LYAR: variants seen among roughly 807,000 people sequenced by gnomAD.
LYAR encodes the protein Ly1 antibody reactive.
Under a neutral mutation model 45.2 loss-of-function variants are expected in LYAR, and 37 were observed. The observed-to-expected ratio is 0.82, with a 90% CI of 0.63 to 1.08. The LOEUF (loss-of-function observed/expected upper bound fraction) is 1.08, where lower values mean the gene tolerates loss of function less well. Among genes scored for constraint, LYAR ranks in the 50% least tolerant of loss-of-function variants. The probability of loss-of-function intolerance (pLI) is 0.00; values close to 1 mark genes in which losing one functional copy is unlikely to be tolerated. For missense variants in LYAR, 493 were observed against 451.0 expected (o/e 1.09, Z -0.84); for synonymous variants, 176 against 155.1 (o/e 1.14, Z -1.00).
At chr4:4,289,019 C>A (rs76176748) in intron 1 of LYAR, among the ~76,000 whole-genome samples, 1 of 152,192 alleles carries the variant, frequency 6.6e-6, no homozygotes, top group Non-Finnish European at 1.5e-5. Flanking sequence ...CCACGGGTAG[C>A]ATTCTGAGAA....
chr4:4,285,459 G>A (rs1719568913), intron 2 of LYAR, among the ~76,000 whole-genome samples: 1 of 152,172 alleles, frequency 6.6e-6, no homozygotes, highest in African/African-American at 2.4e-5. Flanking sequence ...GGCAACAAGA[G>A]CAGCTATCCT....
chr4:4,279,762 A>G lies in LYAR; in HGVS notation c.238-13T>C, dbSNP rs1478803736. The G allele has an allele frequency of 1.3e-5, 19 of 1,496,216 alleles. No homozygotes were observed. Among genetic ancestry groups the G allele is most frequent in the Non-Finnish European group, 1.6e-5 (17 of 1,085,792 alleles). The allele number at this position is 1,496,216 out of a possible 1,614,324, so 92.7% of individuals were successfully genotyped here. On this transcript the variant is annotated splice_polypyrimidine_tract_variant and intron_variant, in intron 4 of 9. Transcript: ENST00000343470. ...ATTCACTAATTTTCTACAAAAAGGG[A>G]AGAAAAAAGAAAAACTATTAATAAA...
chr4:4,282,525 G>C (rs1209521751), intron 3 of LYAR, among the ~76,000 whole-genome samples: 1 of 152,070 alleles, frequency 6.6e-6, no homozygotes, highest in Non-Finnish European at 1.5e-5. Context: ...GAGGTTAGCA[G>C]TTTCCAAAAA....
Position 4,273,786 on chromosome 4 carries a change from A to T in LYAR, c.833-117T>A, listed in dbSNP as rs1473470100. ...CCACGTATCATCTCATTTCTTCTCC[A>T]AGCTGCCCAGCCCCGGTTTATAAAA... On this transcript the variant is annotated intron_variant, in intron 7 of 9. Transcript: ENST00000343470. 3 of 617,902 alleles carry T rather than the reference A, an allele frequency of 4.9e-6. No individual in the cohort carries two copies. The African/African-American group carries it at 5.6e-5, about 11-fold the overall frequency. The allele number at this position is 617,902 out of a possible 1,614,324, so 38.3% of individuals were successfully genotyped here. A position where few individuals can be genotyped will look rare whatever the true frequency, so the allele number is the denominator to read the frequency against.
intron 8 of LYAR, among the ~76,000 whole-genome samples, chr4:4,270,693 T>G (rs1385423375): frequency 6.6e-6 from 1 of 152,086 alleles, no homozygotes; most frequent in Non-Finnish European, 1.5e-5. Flanking sequence ...ACAACATTAG[T>G]CATTAGGGCC....
chr4:4,267,868 A>G lies in LYAR; in HGVS notation c.*21T>C, dbSNP rs1044965307. 5 of 1,595,372 alleles carry G rather than the reference A, an allele frequency of 3.1e-6. No homozygotes were observed. In the Middle Eastern group the frequency reaches 5.3e-4, roughly 168 times the overall value. ...AGGAAGAAGTCAGCAGAATGGATTC[A>G]ATTTTTAAATACACAAATGTTCATT... On this transcript the variant is annotated 3_prime_UTR_variant, in exon 10 of 10. Transcript: ENST00000343470.
rs1223162217 is a variant in LYAR, at chr4:4,281,677, C to T, written c.237+106G>A. The stretch of plus-strand genomic sequence containing the variant: ...CTGTCTATCCTAGGACATGAGGTTT[C>T]CAGAGCTTGTCTGCAGGGATGACAC... On this transcript the variant is annotated intron_variant, in intron 4 of 9. Transcript: ENST00000343470. 4 of 822,266 alleles carry T rather than the reference C, an allele frequency of 4.9e-6. No individual in the cohort carries two copies. The African/African-American group carries it at 6.8e-5, about 14-fold the overall frequency. 50.9% of individuals were successfully genotyped at this position (822,266 alleles called of 1,614,324 possible).
chr4:4,278,219 G>A (rs935715334), intron 6 of LYAR, among the ~76,000 whole-genome samples: 2 of 152,118 alleles, frequency 1.3e-5, no homozygotes, highest in African/African-American at 4.8e-5. Flanking sequence ...GTGTACTACC[G>A]AGATAAATTT....
At chr4:4,284,228 C>T (rs1719519127) in intron 2 of LYAR, among the ~76,000 whole-genome samples, 1 of 152,128 alleles carries the variant, frequency 6.6e-6, no homozygotes, top group African/African-American at 2.4e-5. Context: ...TCCATAATAC[C>T]TTAAACTCTC....
At chr4:4,270,970 T>A (rs570448744) in intron 8 of LYAR, among the ~76,000 whole-genome samples, 1 of 152,338 alleles carries the variant, frequency 6.6e-6, no homozygotes, top group East Asian at 1.9e-4. Flanking sequence ...TACATCAGAG[T>A]AAATGGGGTA....
chr4:4,278,480 C>G (rs957119692), intron 6 of LYAR, among the ~76,000 whole-genome samples: 6 of 152,210 alleles, frequency 3.9e-5, no homozygotes, highest in African/African-American at 1.4e-4. Context: ...GATTTAATTA[C>G]TTGAAGGGAA....
Position 4,268,426 on chromosome 4 carries a change from G to C in LYAR, c.1005+104C>G, listed in dbSNP as rs550633822. 3.8e-6 allele frequency: 3 copies of C among 795,270 alleles called. No individual in the cohort carries two copies. In the African/African-American group the frequency reaches 5.2e-5, roughly 14 times the overall value. 49.3% of individuals were successfully genotyped at this position (795,270 alleles called of 1,614,324 possible). On this transcript the variant is annotated intron_variant, in intron 9 of 9. Coordinates refer to ENST00000343470, the MANE Select transcript of LYAR (RefSeq NM_017816.3). ...TGAAAATCACTGAGACACACACACA[G>C]ATTTTCAGTGTTTTAGGTGAAAAAA...
At position 4,281,836 on chromosome 4, in the gene LYAR, C is replaced by T; in HGVS notation, c.184G>A (p.Gly62Ser). The T allele has an allele frequency of 6.2e-7, 1 of 1,614,172 alleles. No homozygotes were observed. The highest frequency in any genetic ancestry group is 1.3e-5 in the African/African-American group (1 of 75,046). ...CCTTTGTGGGTTTTACCTTCATAGC[C>T]TTTGCCACCATACTTCTGATCTTCA... The part of the protein sequence containing the change: ...ISEDQKYGGK[G>S]YEGKTHKGDI... The change falls in exon 4 of 10, where the codon GGC becomes AGC. Residue 62 changes from glycine (G) to serine (S), a missense_variant. Physicochemically the swap from Gly to Ser is moderately conservative, Grantham distance 56. Transcript: ENST00000343470.
intron 2 of LYAR, among the ~76,000 whole-genome samples, chr4:4,285,892 A>C (rs753587588): frequency 4.6e-5 from 7 of 152,258 alleles, no homozygotes; most frequent in Non-Finnish European, 8.8e-5. Context: ...GAAAGCAGTG[A>C]TGTTGACAAA....
chr4:4,267,728 T>C lies in LYAR; in HGVS notation c.*161A>G. On this transcript the variant is annotated 3_prime_UTR_variant, in exon 10 of 10. Coordinates refer to ENST00000343470, the MANE Select transcript of LYAR (RefSeq NM_017816.3). ...TAGAAGTTTGGACCAGAATATATTT[T>C]ATTTTTCTCATAAAAGTTATACCAA... is the stretch of plus-strand genomic sequence containing the variant. 1 of 509,070 alleles carries C rather than the reference T, an allele frequency of 2.0e-6. No homozygotes were observed. 31.5% of individuals were successfully genotyped at this position (509,070 alleles called of 1,614,324 possible). A position where few individuals can be genotyped will look rare whatever the true frequency, so the allele number is the denominator to read the frequency against.
intron 7 of LYAR, 82 bp downstream of exon 7, chr4:4,274,285 T>C (rs1251901703): frequency 1.4e-6 from 2 of 1,434,912 alleles, no homozygotes; most frequent in Non-Finnish European, 9.4e-7. Context: ...CACAAAACGC[T>C]AGGTCTAACA....
rs138420277 is a variant in LYAR, at chr4:4,270,368, AGATAAATT to A, written c.920-1761_920-1754del. ...TAAAGAGTTGTTAGCACAATCCATA[AGATAAATT>A]GATAAATTGAACTTTATCAAAATAA... is the stretch of plus-strand genomic sequence containing the variant. On this transcript the variant is annotated intron_variant, in intron 8 of 9. Transcript: ENST00000343470. 9.0e-3 allele frequency among the ~76,000 whole-genome samples: 1,373 copies of A among 151,748 alleles called. 29 individuals carry two copies. Among genetic ancestry groups the A allele is most frequent in the African/African-American group, 0.032 (1,316 of 41,486 alleles).
chr4:4,276,113 G>T (rs896516280), intron 6 of LYAR, among the ~76,000 whole-genome samples: 2 of 152,100 alleles, frequency 1.3e-5, no homozygotes, highest in African/African-American at 4.8e-5. Context: ...AGATGACCTG[G>T]AGCAATTCAT....
chr4:4,270,408 T>C (rs1361117968), intron 8 of LYAR, among the ~76,000 whole-genome samples: 1 of 149,702 alleles, frequency 6.7e-6, no homozygotes, highest in Non-Finnish European at 1.5e-5. Context: ...ATAAAAACCA[T>C]TTGCCCTAAA....
Sources: allele counts gnomAD v4.1 joint callset (sites outside exome capture counted in the v4.1 genomes callset), GRCh38; gene constraint gnomAD v4.1.1; transcripts MANE v1.5; gene names NCBI Gene and HGNC (gene_info 2026-07-23, HGNC 2026-07-21).